Variants in CFAP299 observed in about 807,000 individuals in gnomAD.
CFAP299 encodes the protein cilia- and flagella-associated protein 299.
CFAP299 carries 21 observed loss-of-function variants against 27.0 expected under a neutral mutation model. That is an observed-to-expected ratio of 0.78 (90% CI 0.55 to 1.12). CFAP299 has a LOEUF of 1.12. Among genes scored for constraint, CFAP299 ranks in the 50% most tolerant of loss-of-function variants. The pLI is 0.00. For missense variants in CFAP299, 310 were observed against 276.6 expected (o/e 1.12, Z -0.86); for synonymous variants, 104 against 98.1 (o/e 1.06, Z -0.36).
At chr4:80,870,640 A>C (rs1578201892) in intron 4 of CFAP299, 1 of 985,572 alleles carries the variant, frequency 1.0e-6, no homozygotes, top group Non-Finnish European at 1.2e-6. Context: ...CTTATCTATC[A>C]CCTAGCATCT....
chr4:80,916,697 T>C lies in CFAP299; in HGVS notation c.477-28113T>C, dbSNP rs1157989896. On this transcript the variant is annotated intron_variant, in intron 4 of 5. Transcript: ENST00000358105. ...TTTAGCCACAGCAGATTCCATAACA[T>C]TGTAAATGAAAACAGAACAATTATT... Among the ~76,000 whole-genome samples the C allele has an allele frequency of 3.9e-5, 6 of 152,164 alleles. No individual in the cohort carries two copies. The East Asian group carries it at 1.2e-3, about 29-fold the overall frequency.
At chr4:80,875,367 A>C (rs1487381637) in intron 4 of CFAP299, among the ~76,000 whole-genome samples, 1 of 152,202 alleles carries the variant, frequency 6.6e-6, no homozygotes, top group Non-Finnish European at 1.5e-5. Flanking sequence ...TAAACTTATA[A>C]GATCTCTCAT....
chr4:80,716,779 A>G (rs1181772639), intron 3 of CFAP299, among the ~76,000 whole-genome samples: 2 of 152,100 alleles, frequency 1.3e-5, no homozygotes, highest in Non-Finnish European at 2.9e-5. Context: ...TATATACATA[A>G]TGTATAGCTG....
chr4:80,796,511 A>C (rs186823750), intron 3 of CFAP299, among the ~76,000 whole-genome samples: 1 of 152,314 alleles, frequency 6.6e-6, no homozygotes, highest in Admixed American at 6.5e-5. Flanking sequence ...AGGATGGTAA[A>C]TGTATATTGC....
chr4:80,955,015 AAAAAAAAAAAAAAAAAAAAC>A lies in CFAP299; in HGVS notation c.607-8501_607-8482del, dbSNP rs1458521564. Among the ~76,000 whole-genome samples, 18 of 138,668 alleles carry A rather than the reference AAAAAAAAAAAAAAAAAAAAC, an allele frequency of 1.3e-4. 1 individual carries two copies. Among genetic ancestry groups the A allele is most frequent in the East Asian group, 1.2e-3 (6 of 4,906 alleles). The allele number at this position is 138,668 out of a possible 152,430, so 91.0% of individuals were successfully genotyped here. ...ACTCCATCAAAAAAAAAAAAAAAAAAAAAAAAAAAAAAAAAAAAACGCACACATGGCCATATACAGAGTAG... is the reference window on the plus strand; with the variant it reads ...ACTCCATCAAAAAAAAAAAAAAAAAAGCACACATGGCCATATACAGAGTAG... On this transcript the variant is annotated intron_variant, in intron 5 of 5. Transcript: ENST00000358105.
chr4:80,906,650 C>T (rs1735199722), intron 4 of CFAP299, among the ~76,000 whole-genome samples: 1 of 152,152 alleles, frequency 6.6e-6, no homozygotes, highest in Admixed American at 6.5e-5. Flanking sequence ...CCTGCAGGAC[C>T]ATCACTGTGT....
intron 2 of CFAP299, among the ~76,000 whole-genome samples, chr4:80,509,882 G>T (rs1292927414): frequency 6.6e-6 from 1 of 150,860 alleles, no homozygotes; most frequent in Non-Finnish European, 1.5e-5. Flanking sequence ...TTTCTGGCAG[G>T]TTGCATATTG....
chr4:80,435,695 G>C (rs974371603), intron 2 of CFAP299, among the ~76,000 whole-genome samples: 1 of 152,196 alleles, frequency 6.6e-6, no homozygotes, highest in Non-Finnish European at 1.5e-5. Flanking sequence ...GAGACTTCCA[G>C]ATGGGCCTTA....
chr4:80,810,420 T>C (rs1214718001), intron 3 of CFAP299, among the ~76,000 whole-genome samples: 2 of 151,910 alleles, frequency 1.3e-5, no homozygotes, highest in African/African-American at 4.8e-5. Flanking sequence ...GTGACCTTAT[T>C]TGAAAATAGG....
At chr4:80,955,020 A>C (rs1460175879) in intron 5 of CFAP299, among the ~76,000 whole-genome samples, 4 of 134,578 alleles carry the variant, frequency 3.0e-5, no homozygotes, top group East Asian at 2.0e-4. Flanking sequence ...AAAAAAAAAA[A>C]AAAAAAAAAA....
At chr4:80,400,596 A>G (rs1263729865) in intron 2 of CFAP299, among the ~76,000 whole-genome samples, 1 of 152,076 alleles carries the variant, frequency 6.6e-6, no homozygotes, top group South Asian at 2.1e-4. Context: ...TCCCATCATG[A>G]TTCTGAGGCC....
intron 2 of CFAP299, among the ~76,000 whole-genome samples, chr4:80,464,785 A>G (rs1457617004): frequency 6.6e-6 from 1 of 152,094 alleles, no homozygotes; most frequent in African/African-American, 2.4e-5. Context: ...TTTGACATCT[A>G]GTGAGCTTTA....
chr4:80,509,985 G>A (rs1012950685), intron 2 of CFAP299, among the ~76,000 whole-genome samples: 3 of 151,870 alleles, frequency 2.0e-5, no homozygotes, highest in Non-Finnish European at 4.4e-5. Context: ...CAAGCAACCT[G>A]TGTCATTGCA....
At chr4:80,866,091 A>ATATATATATATATATATG (rs1294666202) in intron 3 of CFAP299, among the ~76,000 whole-genome samples, 2 of 128,532 alleles carry the variant, frequency 1.6e-5, no homozygotes, top group African/African-American at 5.7e-5. Context: ...ATATATATAT[A>ATATATATATATATATATG]TATATCTTCC....
chr4:80,589,327 A>G (rs1173223692), intron 3 of CFAP299, among the ~76,000 whole-genome samples: 1 of 152,188 alleles, frequency 6.6e-6, no homozygotes, highest in Non-Finnish European at 1.5e-5. Flanking sequence ...GAGCCCCCAA[A>G]GAAAGAAACT....
intron 2 of CFAP299, among the ~76,000 whole-genome samples, chr4:80,409,763 A>G (rs567520311): frequency 7.2e-5 from 11 of 152,356 alleles, no homozygotes; most frequent in African/African-American, 2.6e-4. Flanking sequence ...GGACAAAAGT[A>G]TCACAGATGA....
chr4:80,654,784 C>CTTTTTT (rs369680550), intron 3 of CFAP299, among the ~76,000 whole-genome samples: 1 of 126,814 alleles, frequency 7.9e-6, no homozygotes, highest in Non-Finnish European at 1.7e-5. Context: ...TAATTTTTAA[C>CTTTTTT]TTTTTTTTTT....
At position 80,921,397 on chromosome 4, in the gene CFAP299, G is replaced by A. The variant is rs556233780; in HGVS notation, c.477-23413G>A. ...GGGGAGAGAGGCAAGAGTTCCTAGA[G>A]GAAGTGCTGAGAGAGCTAATTTTTA... is the stretch of plus-strand genomic sequence containing the variant. On this transcript the variant is annotated intron_variant, in intron 4 of 5. Coordinates refer to ENST00000358105, the MANE Select transcript of CFAP299 (RefSeq NM_152770.3). Among the ~76,000 whole-genome samples the A allele has an allele frequency of 3.3e-5, 5 of 152,022 alleles. No homozygotes were observed. The East Asian group carries it at 9.7e-4, about 29-fold the overall frequency.
intron 3 of CFAP299, among the ~76,000 whole-genome samples, chr4:80,667,700 A>T (rs956449500): frequency 6.6e-6 from 1 of 152,116 alleles, no homozygotes; most frequent in Non-Finnish European, 1.5e-5. Flanking sequence ...GTATATATAC[A>T]ATTTCTTTAT....
Sources: allele counts gnomAD v4.1 joint callset (sites outside exome capture counted in the v4.1 genomes callset), GRCh38; gene constraint gnomAD v4.1.1; transcripts MANE v1.5; gene names NCBI Gene and HGNC (gene_info 2026-07-23, HGNC 2026-07-21).